Variants in NBAS observed in about 807,000 individuals in gnomAD.
NBAS encodes NBAS subunit of NRZ tethering complex.
A neutral mutation model predicts 302.5 loss-of-function variants in NBAS; 219 were observed. The observed-to-expected ratio is 0.72, with a 90% confidence interval of 0.65 to 0.81. The LOEUF (loss-of-function observed/expected upper bound fraction) is 0.81, where lower values mean the gene tolerates loss of function less well. Among genes scored for constraint, NBAS ranks in the 30% least tolerant of loss-of-function variants. The pLI is 0.00. For synonymous variants in NBAS, 1,118 were observed against 1,021.6 expected, an observed-to-expected ratio of 1.09 and a Z score of -1.80; for missense variants, 2,932 against 2,841.6, an observed-to-expected ratio of 1.03 and a Z score of -0.72.
At chr2:15,151,483 T>C in the NBAS span, among the ~76,000 whole-genome samples, 2 of 152,220 alleles carry the variant, frequency 1.3e-5, no homozygotes, top group East Asian at 3.8e-4. Context: ...GCAAAGGCTA[T>C]CACTTCCCAG....
the NBAS span, among the ~76,000 whole-genome samples, chr2:15,106,567 C>T: frequency 3.3e-5 from 5 of 152,092 alleles, no homozygotes; most frequent in African/African-American, 9.6e-5. Context: ...CAAACTCCAC[C>T]GCTTCCAAAA....
At chr2:15,390,516 G>T (rs80223294) in intron 28 of NBAS, among the ~76,000 whole-genome samples, 2,055 of 152,216 alleles carry the variant, frequency 0.014, 33 homozygotes, top group East Asian at 0.059. Context: ...AAGCCTAGAG[G>T]TCTACTGTAC....
chr2:14,856,649 T>C, the NBAS span, among the ~76,000 whole-genome samples: 1 of 152,086 alleles, frequency 6.6e-6, no homozygotes, highest in East Asian at 1.9e-4. Flanking sequence ...AGCTGAAAAA[T>C]GCAGTTGGCA....
chr2:15,055,071 T>C, the NBAS span, among the ~76,000 whole-genome samples: 6 of 152,166 alleles, frequency 3.9e-5, no homozygotes, highest in African/African-American at 1.2e-4. Flanking sequence ...CACTAGAAGA[T>C]AGACATTCAT....
chr2:15,146,148 T>A, the NBAS span, among the ~76,000 whole-genome samples: 6 of 152,114 alleles, frequency 3.9e-5, no homozygotes, highest in Non-Finnish European at 5.9e-5. Flanking sequence ...TGCCACTCAC[T>A]AGCTGTGTGA....
At chr2:15,140,827 C>A in the NBAS span, among the ~76,000 whole-genome samples, 2 of 152,088 alleles carry the variant, frequency 1.3e-5, no homozygotes, top group Non-Finnish European at 2.9e-5. Flanking sequence ...TATACTTGTA[C>A]TAAATAGGGT....
intron 6 of NBAS, among the ~76,000 whole-genome samples, chr2:15,543,196 A>C (rs1663934776): frequency 1.3e-5 from 2 of 152,208 alleles, no homozygotes; most frequent in Non-Finnish European, 2.9e-5. Context: ...TATTTTCATC[A>C]GCTGTAGCTC....
intron 31 of NBAS, among the ~76,000 whole-genome samples, chr2:15,367,311 T>C (rs914425308): frequency 6.6e-6 from 1 of 151,932 alleles, no homozygotes; most frequent in East Asian, 1.9e-4. Context: ...GGGTACTACG[T>C]ATATTCTAGG....
chr2:14,983,185 G>A, the NBAS span, among the ~76,000 whole-genome samples: 1 of 152,262 alleles, frequency 6.6e-6, no homozygotes, highest in Non-Finnish European at 1.5e-5. Flanking sequence ...AAATGAGTTC[G>A]GATGTATAAA....
the NBAS span, among the ~76,000 whole-genome samples, chr2:14,878,052 G>C: frequency 5.3e-5 from 8 of 152,108 alleles, 1 homozygote; most frequent in African/African-American, 1.4e-4. Context: ...GTTCACCATG[G>C]GTAAAAGCAC....
At chr2:14,840,536 G>T in the NBAS span, among the ~76,000 whole-genome samples, 1 of 152,088 alleles carries the variant, frequency 6.6e-6, no homozygotes, top group Non-Finnish European at 1.5e-5. Context: ...CGAGAGAAAA[G>T]AAGCAAATAA....
chr2:15,048,565 T>C, the NBAS span, among the ~76,000 whole-genome samples: 2,152 of 152,282 alleles, frequency 0.014, 24 homozygotes, highest in Non-Finnish European at 0.024. Context: ...CCAAGTCAAG[T>C]GTGTACTCCT....
At chr2:15,011,225 G>C in the NBAS span, among the ~76,000 whole-genome samples, 2 of 152,070 alleles carry the variant, frequency 1.3e-5, no homozygotes, top group Admixed American at 6.6e-5. Flanking sequence ...GAAAGGATTT[G>C]TGTTCTCTGA....
chr2:14,828,111 T>C, the NBAS span, among the ~76,000 whole-genome samples: 1 of 152,166 alleles, frequency 6.6e-6, no homozygotes, highest in East Asian at 1.9e-4. Context: ...GGTCAGAAAT[T>C]ATGTGAAACA....
intron 9 of NBAS, among the ~76,000 whole-genome samples, chr2:15,528,052 A>G (rs1439068805): frequency 6.6e-6 from 1 of 151,830 alleles, no homozygotes; most frequent in Non-Finnish European, 1.5e-5. Flanking sequence ...CACCACCACT[A>G]TCACCTCCCT....
intron 23 of NBAS, among the ~76,000 whole-genome samples, chr2:15,419,771 G>C (rs974097178): frequency 3.3e-5 from 5 of 151,928 alleles, no homozygotes; most frequent in African/African-American, 1.2e-4. Flanking sequence ...GAGTGCAATG[G>C]TGCGATCTCG....
the NBAS span, among the ~76,000 whole-genome samples, chr2:15,064,948 C>T: frequency 1.3e-5 from 2 of 152,210 alleles, no homozygotes; most frequent in Non-Finnish European, 2.9e-5. Flanking sequence ...ATATGCAAAT[C>T]AATTAATGTA....
chr2:15,337,776 A>G (rs990473355), intron 35 of NBAS, among the ~76,000 whole-genome samples: 9 of 152,348 alleles, frequency 5.9e-5, no homozygotes, highest in Middle Eastern at 3.4e-3. Flanking sequence ...CCAAGATCAT[A>G]GTTTAACCAG....
chr2:15,229,043 T>C (rs900985039), intron 47 of NBAS, among the ~76,000 whole-genome samples: 1 of 152,164 alleles, frequency 6.6e-6, no homozygotes, highest in Non-Finnish European at 1.5e-5. Flanking sequence ...TTATCATTCA[T>C]TCATTGAAAC....
Sources: gnomAD v4.1 joint callset for allele counts (sites outside exome capture counted in the v4.1 genomes callset) on GRCh38, gnomAD v4.1.1 for gene constraint, MANE v1.5 for transcripts, NCBI Gene and HGNC (gene_info 2026-07-23, HGNC 2026-07-21) for gene names.